The following TMEM131L variants were observed in gnomAD, a reference collection of about 807,000 sequenced individuals.
TMEM131L encodes the protein transmembrane protein 131-like.
Under a neutral mutation model 192.2 loss-of-function variants are expected in TMEM131L, and 54 were observed. The ratio of observed to expected loss-of-function variants is 0.28; its 90% confidence interval spans 0.23 to 0.35. TMEM131L has a LOEUF of 0.35. Ranked by LOEUF, TMEM131L falls within the 10% of genes least tolerant of loss-of-function variation. The pLI is 1.00. For missense variants in TMEM131L, 1,888 were observed against 1,972.9 expected (o/e 0.96, Z 0.82); for synonymous variants, 701 against 704.9 (o/e 0.99, Z 0.09).
In TMEM131L at chr4:153,602,722, T is replaced by C. The variant is rs937162581; in HGVS notation, c.2634T>C (p.Phe878=). Reference sequence around the variant, plus strand: ...CATTTTGGAGGCTCACGGTCTTCTTTGTCAGGTAAACCACTACTGTCTCCC... The same window carrying C: ...CATTTTGGAGGCTCACGGTCTTCTTCGTCAGGTAAACCACTACTGTCTCCC... The part of the protein sequence containing the change: ...EESFWRLTVF[F]VSLSLLGVIL... The change falls in exon 23 of 35, where the codon TTT becomes TTC. Residue 878 remains phenylalanine (F), a synonymous_variant. Coordinates refer to ENST00000409959, the MANE Select transcript of TMEM131L (RefSeq NM_001131007.2). The C allele has an allele frequency of 6.2e-7, 1 of 1,613,852 alleles. No homozygotes were observed. The highest frequency in any genetic ancestry group is 2.2e-5 in the East Asian group (1 of 44,886).
At chr4:153,584,996 T>C in intron 12 of TMEM131L, 65 bp downstream of exon 12, 4 of 1,261,758 alleles carry the variant, frequency 3.2e-6, no homozygotes, top group Non-Finnish European at 4.6e-6. Flanking sequence ...CCTCTAGAAA[T>C]GGTTTAAAAA....
At chr4:153,609,487 A>G (rs6821970) in intron 25 of TMEM131L, among the ~76,000 whole-genome samples, 84,985 of 151,828 alleles carry the variant, frequency 0.56, 23,931 homozygotes, top group Non-Finnish European at 0.58. Context: ...GCATGGATTG[A>G]CCCCATTTGT....
At chr4:153,571,188 T>C (rs2150612111) in intron 7 of TMEM131L, among the ~76,000 whole-genome samples, 1 of 152,326 alleles carries the variant, frequency 6.6e-6, no homozygotes, top group East Asian at 1.9e-4. Flanking sequence ...TTGCGTTGCA[T>C]AATCTTACAT....
At chr4:153,585,740 A>G (rs919078561) in intron 13 of TMEM131L, 129 bp downstream of exon 13, 1 of 546,066 alleles carries the variant, frequency 1.8e-6, no homozygotes. Flanking sequence ...TTTATATAAA[A>G]TTTTATGATT....
At chr4:153,565,637 A>G (rs1355090314) in intron 7 of TMEM131L, among the ~76,000 whole-genome samples, 1 of 152,232 alleles carries the variant, frequency 6.6e-6, no homozygotes, top group East Asian at 1.9e-4. Context: ...TGATCCAGAA[A>G]AGATAAATGC....
intron 2 of TMEM131L, among the ~76,000 whole-genome samples, chr4:153,473,437 G>T (rs1731295920): frequency 6.6e-6 from 1 of 152,200 alleles, no homozygotes; most frequent in Non-Finnish European, 1.5e-5. Flanking sequence ...GGTTTCCCGT[G>T]AGTGGGTAGG....
intron 7 of TMEM131L, among the ~76,000 whole-genome samples, chr4:153,579,780 C>CT (rs1293461907): frequency 2.0e-5 from 3 of 152,028 alleles, no homozygotes; most frequent in East Asian, 1.9e-4. Context: ...CTGACCTATT[C>CT]TTTTTTTTCT....
intron 3 of TMEM131L, among the ~76,000 whole-genome samples, chr4:153,484,739 A>T (rs1212793446): frequency 6.9e-6 from 1 of 145,698 alleles, no homozygotes; most frequent in African/African-American, 2.5e-5. Flanking sequence ...AAGTGCTGAG[A>T]TTACAGGCGT....
intron 26 of TMEM131L, among the ~76,000 whole-genome samples, chr4:153,619,418 A>G (rs963769961): frequency 6.6e-6 from 1 of 152,256 alleles, no homozygotes; most frequent in Non-Finnish European, 1.5e-5. Context: ...AACTTAAGCA[A>G]TTAGCATAAG....
At chr4:153,567,015 T>C (rs1206389009) in intron 7 of TMEM131L, among the ~76,000 whole-genome samples, 4 of 152,232 alleles carry the variant, frequency 2.6e-5, no homozygotes, top group Non-Finnish European at 5.9e-5. Context: ...AGATTTGGCC[T>C]GGGGTGGGTG....
chr4:153,481,798 A>G (rs1299886096), intron 3 of TMEM131L, among the ~76,000 whole-genome samples: 2 of 152,138 alleles, frequency 1.3e-5, no homozygotes, highest in Non-Finnish European at 2.9e-5. Context: ...TTAGCCTCAC[A>G]AAGTGCTGGG....
chr4:153,513,339 G>A (rs1734490541), intron 3 of TMEM131L, among the ~76,000 whole-genome samples: 1 of 152,214 alleles, frequency 6.6e-6, no homozygotes, highest in Non-Finnish European at 1.5e-5. Context: ...CAGTAGGATA[G>A]GAGCTCTATT....
Position 153,533,318 on chromosome 4 carries a change from C to T in TMEM131L, c.240-16755C>T, listed in dbSNP as rs1343149395. 4.6e-5 allele frequency among the ~76,000 whole-genome samples: 7 copies of T among 152,152 alleles called. No homozygotes were observed. The South Asian group carries it at 6.2e-4, about 13-fold the overall frequency. The stretch of plus-strand genomic sequence containing the variant: ...AATTCTTTTATTTCCACATTGGCCA[C>T]GTTCACCCCATTATAAGTAGGGGGA... On this transcript the variant is annotated intron_variant, in intron 3 of 34. Coordinates refer to ENST00000409959, the MANE Select transcript of TMEM131L (RefSeq NM_001131007.2).
chr4:153,561,974 A>C (rs1246506828), intron 7 of TMEM131L, among the ~76,000 whole-genome samples: 1 of 151,728 alleles, frequency 6.6e-6, no homozygotes, highest in Non-Finnish European at 1.5e-5. Flanking sequence ...AAAAAAAAAA[A>C]ACCTCTTAAA....
At chr4:153,602,877 T>G in intron 23 of TMEM131L, 150 bp downstream of exon 23, 2 of 726,256 alleles carry the variant, frequency 2.8e-6, no homozygotes, top group Non-Finnish European at 4.7e-6. Flanking sequence ...CCATGAAGTA[T>G]TCACTGGTAC....
At chr4:153,631,627 G>A (rs1254665340) in intron 31 of TMEM131L, among the ~76,000 whole-genome samples, 2 of 152,188 alleles carry the variant, frequency 1.3e-5, no homozygotes, top group Non-Finnish European at 2.9e-5. Flanking sequence ...TCTATGAAAA[G>A]ATAGTCCAGG....
intron 3 of TMEM131L, among the ~76,000 whole-genome samples, chr4:153,526,427 C>T (rs998429389): frequency 1.3e-5 from 2 of 152,086 alleles, no homozygotes; most frequent in Non-Finnish European, 2.9e-5. Flanking sequence ...GGACGCACTC[C>T]CTGCCCTCAG....
chr4:153,613,701 C>T (rs991411709), intron 26 of TMEM131L, among the ~76,000 whole-genome samples: 4 of 152,084 alleles, frequency 2.6e-5, no homozygotes, highest in African/African-American at 9.7e-5. Context: ...TTCCCATCAT[C>T]TGTACTGCCG....
Position 153,467,203 on chromosome 4 carries a change from T to A in TMEM131L, c.125-8T>A, listed in dbSNP as rs1467957728. Reference sequence around the variant, plus strand: ...AAAAACGTGGTGTATTTTTTGGTGTTCCTGCAGCGATTGAGCCGTTGCCGA... The same window carrying A: ...AAAAACGTGGTGTATTTTTTGGTGTACCTGCAGCGATTGAGCCGTTGCCGA... On this transcript the variant is annotated splice_region_variant and splice_polypyrimidine_tract_variant and intron_variant, in intron 1 of 34. Transcript: ENST00000409959. 6.4e-7 allele frequency: 1 copy of A among 1,551,678 alleles called. No individual in the cohort carries two copies.
Sources: gnomAD v4.1 joint callset for allele counts (sites outside exome capture counted in the v4.1 genomes callset) on GRCh38, gnomAD v4.1.1 for gene constraint, MANE v1.5 for transcripts, NCBI Gene and HGNC (gene_info 2026-07-23, HGNC 2026-07-21) for gene names.